Variants in AGAP1 observed in about 807,000 individuals in gnomAD.
The protein encoded by AGAP1 is arf-GAP with GTPase, ANK repeat and PH domain-containing protein 1.
AGAP1 carries 29 observed loss-of-function variants against 105.3 expected under a neutral mutation model. That is an observed-to-expected ratio of 0.28 (90% CI 0.21 to 0.38). The LOEUF (loss-of-function observed/expected upper bound fraction) is 0.38. Ranked by LOEUF, AGAP1 falls within the 10% of genes least tolerant of loss-of-function variation. The pLI, the probability that AGAP1 is intolerant of heterozygous loss-of-function variation, is 1.00. For missense variants in AGAP1, 998 were observed against 1,165.1 expected, an observed-to-expected ratio of 0.86 and a Z score of 2.09; for synonymous variants, 509 against 485.9, an observed-to-expected ratio of 1.05 and a Z score of -0.63.
intron 6 of AGAP1, chr2:235,774,401 G>A (rs551961717): frequency 9.3e-5 from 44 of 470,740 alleles, no homozygotes; most frequent in South Asian, 3.7e-4. Flanking sequence ...TGAGTCTGTC[G>A]GGTTGAGTAC....
chr2:235,525,206 A>G (rs1028514751), intron 1 of AGAP1, among the ~76,000 whole-genome samples: 1 of 152,246 alleles, frequency 6.6e-6, no homozygotes, highest in African/African-American at 2.4e-5. Flanking sequence ...TCTTAAGCAA[A>G]TGTCTCCAAT....
At chr2:235,661,630 C>A (rs1366413149) in intron 1 of AGAP1, among the ~76,000 whole-genome samples, 1 of 152,106 alleles carries the variant, frequency 6.6e-6, no homozygotes, top group African/African-American at 2.4e-5. Flanking sequence ...CTCGTGCTAG[C>A]CTGAATCTCC....
intron 13 of AGAP1, among the ~76,000 whole-genome samples, chr2:235,986,307 G>A (rs1000244031): frequency 1.3e-5 from 2 of 152,102 alleles, no homozygotes; most frequent in Non-Finnish European, 2.9e-5. Context: ...TGTGATTTTT[G>A]CACATTTATT....
intron 9 of AGAP1, among the ~76,000 whole-genome samples, chr2:235,868,114 G>A (rs954761876): frequency 6.6e-6 from 1 of 151,722 alleles, no homozygotes; most frequent in African/African-American, 2.4e-5. Context: ...GTTCCAAAGT[G>A]TAATGAATGC....
intron 13 of AGAP1, among the ~76,000 whole-genome samples, chr2:236,006,123 C>A (rs936577948): frequency 6.6e-6 from 1 of 150,998 alleles, no homozygotes; most frequent in Non-Finnish European, 1.5e-5. Context: ...ATTTTGTATT[C>A]TAGGCTGCTA....
rs1012852117 is a variant in AGAP1, at chr2:235,741,989, G to A, written c.396+941G>A. Among the ~76,000 whole-genome samples the A allele has an allele frequency of 6.6e-6, 1 of 152,028 alleles. No homozygotes were observed. The highest frequency in any genetic ancestry group is 2.4e-5 in the African/African-American group (1 of 41,392). On this transcript the variant is annotated intron_variant, in intron 4 of 17. Transcript: ENST00000304032. The surrounding 1 kb of genome is among the most constrained non-coding windows in gnomAD (Gnocchi z 4.9). ...AGGATGGTCTCGATCTCCTGACCTC[G>A]TGATCCACTCACCTCGGCCTCCCAA...
At chr2:236,033,367 C>T (rs893865778) in intron 13 of AGAP1, among the ~76,000 whole-genome samples, 2 of 152,158 alleles carry the variant, frequency 1.3e-5, no homozygotes, top group African/African-American at 4.8e-5. Context: ...ATTTGTTCCC[C>T]TAAGTAGAGT....
chr2:235,930,754 T>A lies in AGAP1; in HGVS notation c.1325-11T>A. ...TCCGCGGTGGTGTTCACCTGACTTG[T>A]TTATTCCTAGGGAATGTCACTAGTG... On this transcript the variant is annotated splice_polypyrimidine_tract_variant and intron_variant, in intron 11 of 17. Transcript: ENST00000304032. The surrounding 1 kb of genome is among the most constrained non-coding windows in gnomAD (Gnocchi z 7.9). 1 of 1,612,914 alleles carries A rather than the reference T, an allele frequency of 6.2e-7. No homozygotes were observed. Among genetic ancestry groups the A allele is most frequent in the Non-Finnish European group, 8.5e-7 (1 of 1,179,558 alleles).
chr2:235,689,466 C>A lies in AGAP1; in HGVS notation c.164-19713C>A, dbSNP rs2149435542. ...CATAACAATTTTGACTGCAGAGAGGCAGGCAGAATAGCTTGTCCAGGAAAA... is the reference window on the plus strand; with the variant it reads ...CATAACAATTTTGACTGCAGAGAGGAAGGCAGAATAGCTTGTCCAGGAAAA... On this transcript the variant is annotated intron_variant, in intron 1 of 17. Coordinates refer to ENST00000304032, the MANE Select transcript of AGAP1 (RefSeq NM_001037131.3). The surrounding 1 kb of genome is among the most constrained non-coding windows in gnomAD (Gnocchi z 4.2). Among the ~76,000 whole-genome samples, 1 of 152,348 alleles carries A rather than the reference C, an allele frequency of 6.6e-6. No individual in the cohort carries two copies. The highest frequency in any genetic ancestry group is 1.5e-5 in the Non-Finnish European group (1 of 68,030).
intron 1 of AGAP1, among the ~76,000 whole-genome samples, chr2:235,546,046 C>G (rs945525997): frequency 6.6e-6 from 1 of 152,246 alleles, no homozygotes; most frequent in African/African-American, 2.4e-5. Context: ...TAGGTTTCAT[C>G]TGTGCCCAGC....
At position 235,964,244 on chromosome 2, in the gene AGAP1, A is replaced by C. The variant is rs944714437; in HGVS notation, c.1484-4218A>C. On this transcript the variant is annotated intron_variant, in intron 12 of 17. Coordinates refer to ENST00000304032, the MANE Select transcript of AGAP1 (RefSeq NM_001037131.3). The surrounding 1 kb of genome is among the most constrained non-coding windows in gnomAD (Gnocchi z 4.6). ...ACATGGCCTGTCGAAATGAGAGGAC[A>C]CCCAAGGGACAGAGTAAAATAATAT... Among the ~76,000 whole-genome samples, 5 of 152,132 alleles carry C rather than the reference A, an allele frequency of 3.3e-5. No individual in the cohort carries two copies. Among genetic ancestry groups the C allele is most frequent in the African/African-American group, 4.8e-5 (2 of 41,398 alleles).
chr2:235,887,625 A>C lies in AGAP1; in HGVS notation c.1155+4176A>C, dbSNP rs1009082164. Among the ~76,000 whole-genome samples, 1 of 152,286 alleles carries C rather than the reference A, an allele frequency of 6.6e-6. No homozygotes were observed. Among genetic ancestry groups the C allele is most frequent in the South Asian group, 2.1e-4 (1 of 4,816 alleles). ...CGGAGCAGGGGCCTGCATTGATCTC[A>C]TATAGCATAGCCTACAGCCCGTTCT... is the stretch of plus-strand genomic sequence containing the variant. On this transcript the variant is annotated intron_variant, in intron 10 of 17. Coordinates refer to ENST00000304032, the MANE Select transcript of AGAP1 (RefSeq NM_001037131.3). This position sits in a 1 kb window ranked among gnomAD's most constrained non-coding sequence, Gnocchi z 4.1.
In AGAP1 at chr2:235,973,225, T is replaced by C. The variant is rs2054726254; in HGVS notation, c.1645+4602T>C. 6.6e-6 allele frequency among the ~76,000 whole-genome samples: 1 copy of C among 152,196 alleles called. No individual in the cohort carries two copies. Among genetic ancestry groups the C allele is most frequent in the African/African-American group, 2.4e-5 (1 of 41,446 alleles). On this transcript the variant is annotated intron_variant, in intron 13 of 17. Transcript: ENST00000304032. This position sits in a 1 kb window ranked among gnomAD's most constrained non-coding sequence, Gnocchi z 4.7. ...TCTTTTTGCTGAAGAACAGCCACTT[T>C]GTTCTGCACCAGATGGCAGAGGGTG... is the stretch of plus-strand genomic sequence containing the variant.
At position 236,087,594 on chromosome 2, in the gene AGAP1, T is replaced by C. The variant is rs1200771331; in HGVS notation, c.2115-32598T>C. Among the ~76,000 whole-genome samples the C allele has an allele frequency of 1.3e-5, 2 of 152,174 alleles. No homozygotes were observed. Among genetic ancestry groups the C allele is most frequent in the Non-Finnish European group, 2.9e-5 (2 of 68,040 alleles). On this transcript the variant is annotated intron_variant, in intron 16 of 17. Transcript: ENST00000304032. This position sits in a 1 kb window ranked among gnomAD's most constrained non-coding sequence, Gnocchi z 5.7. ...CCCACCTCTGACTAGTTTGATGTTC[T>C]GAATCAGGCCCCTTGGTTAAGCGTG... is the stretch of plus-strand genomic sequence containing the variant.
intron 6 of AGAP1, among the ~76,000 whole-genome samples, chr2:235,797,341 A>G (rs1957288087): frequency 6.6e-6 from 1 of 152,074 alleles, no homozygotes; most frequent in South Asian, 2.1e-4. Context: ...GACCGGCTCT[A>G]TCTGTCTCCC....
At chr2:235,892,425 A>G (rs1349502620) in intron 10 of AGAP1, among the ~76,000 whole-genome samples, 1 of 152,184 alleles carries the variant, frequency 6.6e-6, no homozygotes, top group Non-Finnish European at 1.5e-5. Context: ...CAGGGCAGCC[A>G]AACTTGGACT....
rs981770702 is a variant in AGAP1, at chr2:236,038,020, T to C, written c.1800+1305T>C. ...CAGAAAGATGAAGTGTCTTATTTTA[T>C]TACCCTCTTTAACCAGGGTAAACCA... is the stretch of plus-strand genomic sequence containing the variant. On this transcript the variant is annotated intron_variant, in intron 14 of 17. Transcript: ENST00000304032. The surrounding 1 kb of genome is among the most constrained non-coding windows in gnomAD (Gnocchi z 4.5). 6.6e-6 allele frequency among the ~76,000 whole-genome samples: 1 copy of C among 152,242 alleles called. No homozygotes were observed. Among genetic ancestry groups the C allele is most frequent in the African/African-American group, 2.4e-5 (1 of 41,468 alleles).
In AGAP1 at chr2:235,556,931, T is replaced by C. The variant is rs1180991114; in HGVS notation, c.163+62082T>C. Among the ~76,000 whole-genome samples the C allele has an allele frequency of 1.3e-5, 2 of 152,206 alleles. No homozygotes were observed. The highest frequency in any genetic ancestry group is 2.9e-5 in the Non-Finnish European group (2 of 68,050). On this transcript the variant is annotated intron_variant, in intron 1 of 17. Coordinates refer to ENST00000304032, the MANE Select transcript of AGAP1 (RefSeq NM_001037131.3). The surrounding 1 kb of genome is among the most constrained non-coding windows in gnomAD (Gnocchi z 5.3). ...CAAGTTTGAACTGAGGGCTGTCTTA[T>C]TTTAAATCCAGGTTTGATCATTTTC... is the stretch of plus-strand genomic sequence containing the variant.
At chr2:235,952,687 C>T (rs1337881943) in intron 12 of AGAP1, among the ~76,000 whole-genome samples, 2 of 152,024 alleles carry the variant, frequency 1.3e-5, no homozygotes, top group Non-Finnish European at 2.9e-5. Context: ...CCCTGAGTGG[C>T]CCTGGGTAGT....
Sources: gnomAD v4.1 joint callset for allele counts (sites outside exome capture counted in the v4.1 genomes callset) on GRCh38, gnomAD v4.1.1 for gene constraint, Gnocchi (gnomAD v3.1) non-coding constraint, MANE v1.5 for transcripts, NCBI Gene and HGNC (gene_info 2026-07-23, HGNC 2026-07-21) for gene names.